Variants in RFX2 observed in about 807,000 individuals in gnomAD.
RFX2 encodes DNA-binding protein RFX2.
In RFX2, 20 loss-of-function variants were observed where a neutral mutation model predicts 87.8. The observed-to-expected ratio is 0.23, with a 90% confidence interval of 0.16 to 0.33. The LOEUF is 0.33. Among genes scored for constraint, RFX2 ranks in the 10% least tolerant of loss-of-function variants. RFX2 has a pLI of 1.00. For missense variants in RFX2, 767 were observed against 1,012.3 expected, an observed-to-expected ratio of 0.76 and a Z score of 3.29; for synonymous variants, 397 against 431.3, an observed-to-expected ratio of 0.92 and a Z score of 0.98.
rs773368485 is a variant in RFX2, at chr19:6,016,249, T to C, written c.620A>G (p.Tyr207Cys). The change falls in exon 7 of 18, where the codon TAT becomes TGT. Residue 207 changes from tyrosine to cysteine, a missense_variant. Tyr to Cys is a radical substitution (Grantham distance 194). Coordinates refer to ENST00000303657, the MANE Select transcript of RFX2 (RefSeq NM_000635.4). The surrounding 1 kb of genome is among the most constrained non-coding windows in gnomAD (Gnocchi z 5.4). ...NSHLQWLLDNYETAEGVSLPR... is the reference protein window; with the variant it reads ...NSHLQWLLDNCETAEGVSLPR... ...GAGACTCACACCTTCCGCTGTTTCA[T>C]AATTATCCAACAGCCACTGGAGCTG... 3 of 1,608,610 alleles carry C rather than the reference T, an allele frequency of 1.9e-6. No individual in the cohort carries two copies. The highest frequency in any genetic ancestry group is 2.2e-5 in the East Asian group (1 of 44,796).
At chr19:6,081,700 G>A (rs1433735915) in intron 1 of RFX2, among the ~76,000 whole-genome samples, 1 of 152,168 alleles carries the variant, frequency 6.6e-6, no homozygotes, top group East Asian at 1.9e-4. Flanking sequence ...TGCCTGGAAT[G>A]CCAGCACTTT....
intron 1 of RFX2, among the ~76,000 whole-genome samples, chr19:6,106,688 A>C (rs1458197916): frequency 6.6e-6 from 1 of 152,020 alleles, no homozygotes; most frequent in Non-Finnish European, 1.5e-5. Flanking sequence ...CAAGATGAGA[A>C]CTTCCCTTGG....
chr19:6,084,134 G>C (rs982148110), intron 1 of RFX2, among the ~76,000 whole-genome samples: 2 of 152,120 alleles, frequency 1.3e-5, no homozygotes, highest in Non-Finnish European at 2.9e-5. Context: ...AGCAGAGTTA[G>C]CCCAGTTAAG....
Position 6,039,983 on chromosome 19 carries a change from G to A in RFX2, c.519C>T (p.Ala173=), listed in dbSNP as rs1289706261. Residue 173 remains alanine, a synonymous_variant, in exon 5 of 18, where the codon GCC becomes GCT. Transcript: ENST00000303657. The surrounding 1 kb of genome is among the most constrained non-coding windows in gnomAD (Gnocchi z 5.2). ...GTCCCAAGAGCCTCCTACATACCGT[G>A]GCGGGCGATGAGCGGGAGGTGTGGG... ...SLAHTSRSSP[A]TLEMAIENLQ... 1 of 1,573,488 alleles carries A rather than the reference G, an allele frequency of 6.4e-7. No homozygotes were observed. The highest frequency in any genetic ancestry group is 2.3e-5 in the East Asian group (1 of 42,858).
At position 6,010,946 on chromosome 19, in the gene RFX2, GTC is replaced by G. The variant is rs1382008022; in HGVS notation, c.900-697_900-696del. On this transcript the variant is annotated intron_variant, in intron 8 of 17. Transcript: ENST00000303657. This position sits in a 1 kb window ranked among gnomAD's most constrained non-coding sequence, Gnocchi z 5.0. ...AGCCTGACCAACATGGAGTAACCCC[GTC>G]TCTACTAAAAATACAAAATTAGCTG... 3.3e-5 allele frequency among the ~76,000 whole-genome samples: 5 copies of G among 151,900 alleles called. No homozygotes were observed. The highest frequency in any genetic ancestry group is 3.2e-3 in the Middle Eastern group (1 of 316).
Position 6,026,002 on chromosome 19 carries a change from C to A in RFX2, c.597+161G>T, listed in dbSNP as rs2086884135. Reference sequence around the variant, plus strand: ...GTTTCACCATGTTGGCCAGGCTGGTCTCAAACTCCTGACTTCAAGTGATCC... The same window carrying A: ...GTTTCACCATGTTGGCCAGGCTGGTATCAAACTCCTGACTTCAAGTGATCC... On this transcript the variant is annotated intron_variant, in intron 6 of 17. Transcript: ENST00000303657. The surrounding 1 kb of genome is among the most constrained non-coding windows in gnomAD (Gnocchi z 4.5). 6.6e-6 allele frequency among the ~76,000 whole-genome samples: 1 copy of A among 151,918 alleles called. No individual in the cohort carries two copies. Among genetic ancestry groups the A allele is most frequent in the South Asian group, 2.1e-4 (1 of 4,818 alleles).
intron 1 of RFX2, among the ~76,000 whole-genome samples, chr19:6,054,542 C>A (rs2087307445): frequency 6.6e-6 from 1 of 152,026 alleles, no homozygotes; most frequent in Middle Eastern, 3.2e-3. Context: ...CTTAGATTAT[C>A]AATTGATTTT....
chr19:6,034,383 C>G (rs1296696286), intron 5 of RFX2, among the ~76,000 whole-genome samples: 2 of 152,110 alleles, frequency 1.3e-5, no homozygotes, highest in Non-Finnish European at 2.9e-5. Flanking sequence ...TGCGCACCAC[C>G]ACACCTAGCT....
At chr19:6,075,792 T>C (rs192560070) in intron 1 of RFX2, among the ~76,000 whole-genome samples, 44 of 151,966 alleles carry the variant, frequency 2.9e-4, no homozygotes, top group African/African-American at 1.0e-3. Context: ...ATTCGGGGAG[T>C]GAGCCAGGCT....
Position 6,004,117 on chromosome 19 carries a change from T to C in RFX2, c.1500+84A>G, listed in dbSNP as rs537235546. ...ACGCAGGGAAGAAGCCAGCGCTCTC[T>C]GGGACACAGTGGTCCTCATGCTGTC... On this transcript the variant is annotated intron_variant, in intron 13 of 17. Coordinates refer to ENST00000303657, the MANE Select transcript of RFX2 (RefSeq NM_000635.4). The surrounding 1 kb of genome is among the most constrained non-coding windows in gnomAD (Gnocchi z 4.8). 3 of 1,050,160 alleles carry C rather than the reference T, an allele frequency of 2.9e-6. No homozygotes were observed. In the South Asian group the frequency reaches 3.8e-5, roughly 13 times the overall value. 65.1% of individuals were successfully genotyped at this position (1,050,160 alleles called of 1,614,324 possible).
intron 1 of RFX2, among the ~76,000 whole-genome samples, chr19:6,092,748 G>C (rs972255292): frequency 2.6e-5 from 4 of 152,092 alleles, no homozygotes; most frequent in Non-Finnish European, 5.9e-5. Flanking sequence ...GGCTGCCAGG[G>C]GGTTTGAGCA....
chr19:6,107,694 C>T (rs1316707214), intron 1 of RFX2, among the ~76,000 whole-genome samples: 1 of 148,978 alleles, frequency 6.7e-6, no homozygotes, highest in Non-Finnish European at 1.5e-5. Context: ...TAAAGTTAAG[C>T]CAATTTAATA....
intron 5 of RFX2, among the ~76,000 whole-genome samples, chr19:6,034,473 C>G (rs1262021822): frequency 6.6e-6 from 1 of 151,968 alleles, no homozygotes; most frequent in Admixed American, 6.6e-5. Flanking sequence ...GTGATCCACC[C>G]GCCTCAGCCT....
chr19:6,066,938 A>T (rs990379919), intron 1 of RFX2, among the ~76,000 whole-genome samples: 4 of 152,114 alleles, frequency 2.6e-5, no homozygotes, highest in Non-Finnish European at 5.9e-5. Context: ...TCTAAAAAAA[A>T]CCCTCTCAAA....
chr19:6,036,519 A>G (rs552218244), intron 5 of RFX2, among the ~76,000 whole-genome samples: 1 of 152,368 alleles, frequency 6.6e-6, no homozygotes, highest in African/African-American at 2.4e-5. Flanking sequence ...CACAGAGACA[A>G]GGCTAAACCA....
chr19:6,002,922 G>C lies in RFX2; in HGVS notation c.1501-52C>G. The C allele has an allele frequency of 1.9e-6, 3 of 1,555,396 alleles. No individual in the cohort carries two copies. The highest frequency in any genetic ancestry group is 2.6e-6 in the Non-Finnish European group (3 of 1,154,566). On this transcript the variant is annotated intron_variant, in intron 13 of 17. Coordinates refer to ENST00000303657, the MANE Select transcript of RFX2 (RefSeq NM_000635.4). The surrounding 1 kb of genome is among the most constrained non-coding windows in gnomAD (Gnocchi z 6.7). The stretch of plus-strand genomic sequence containing the variant: ...GGGGTTCGCAGGGAGAGCCTGTTCC[G>C]CTGCGCTCCTTGCAGGGGTGTGTGG...
At chr19:6,035,550 C>T (rs1480005703) in intron 5 of RFX2, among the ~76,000 whole-genome samples, 1 of 152,158 alleles carries the variant, frequency 6.6e-6, no homozygotes, top group Non-Finnish European at 1.5e-5. Context: ...CTCGTCGAGG[C>T]TACCAGTGAG....
chr19:6,013,063 C>G lies in RFX2; in HGVS notation c.822G>C (p.Pro274=). Reference sequence around the variant, plus strand: ...CCTGCAGCCGGTTCAGTGGTGAGTCCGGCTTCAGACGAATCCCATAGTAAT... The same window carrying G: ...CCTGCAGCCGGTTCAGTGGTGAGTCGGGCTTCAGACGAATCCCATAGTAAT... The part of the protein sequence containing the change: ...KYHYYGIRLK[P]DSPLNRLQED... The change falls in exon 8 of 18, where the codon CCG becomes CCC. Residue 274 remains proline, a synonymous_variant. Transcript: ENST00000303657. This position sits in a 1 kb window ranked among gnomAD's most constrained non-coding sequence, Gnocchi z 4.1. The G allele has an allele frequency of 6.3e-7, 1 of 1,599,898 alleles. No individual in the cohort carries two copies. The highest frequency in any genetic ancestry group is 1.7e-4 in the Middle Eastern group (1 of 5,986).
At chr19:6,082,410 T>C (rs1368309517) in intron 1 of RFX2, among the ~76,000 whole-genome samples, 1 of 152,108 alleles carries the variant, frequency 6.6e-6, no homozygotes, top group Non-Finnish European at 1.5e-5. Context: ...CTCTCCTGAA[T>C]TGATGTCTAT....
Sources: allele counts gnomAD v4.1 joint callset (sites outside exome capture counted in the v4.1 genomes callset), GRCh38; gene constraint gnomAD v4.1.1; non-coding constraint Gnocchi (gnomAD v3.1); transcripts MANE v1.5; gene names NCBI Gene and HGNC (gene_info 2026-07-23, HGNC 2026-07-21).